Variants in COL5A1 observed in about 807,000 individuals in gnomAD.
COL5A1 encodes the protein collagen type V alpha 1 chain.
A neutral mutation model predicts 263.7 loss-of-function variants in COL5A1; 16 were observed. That is an observed-to-expected ratio of 0.06 (90% CI 0.04 to 0.09). The LOEUF (loss-of-function observed/expected upper bound fraction) is 0.09, where lower values mean the gene tolerates loss of function less well. COL5A1 is among the 10% of genes least tolerant of loss of function. The pLI, the probability that COL5A1 is intolerant of heterozygous loss-of-function variation, is 1.00. For synonymous variants in COL5A1, 1,012 were observed against 1,004.5 expected, an observed-to-expected ratio of 1.01 and a Z score of -0.14; for missense variants, 2,036 against 2,540.5, an observed-to-expected ratio of 0.80 and a Z score of 4.27.
chr9:134,802,140 C>A, intron 38 of COL5A1, 133 bp downstream of exon 38: 1 of 916,634 alleles, frequency 1.1e-6, no homozygotes, highest in Non-Finnish European at 1.8e-6. Context: ...TATCTTAGGT[C>A]CTGAATGTTG....
intron 4 of COL5A1, among the ~76,000 whole-genome samples, chr9:134,720,819 C>T (rs1564410315): frequency 2.0e-5 from 3 of 152,142 alleles, no homozygotes; most frequent in Non-Finnish European, 4.4e-5. Flanking sequence ...GGAGCCGACT[C>T]TGAGTGAATG....
rs370666409 is a variant in COL5A1, at chr9:134,822,718, G to GCCCCCCCCCCCCCC, written c.4609-279_4609-278insCCCCCCCCCCCCCC. On this transcript the variant is annotated intron_variant, in intron 59 of 65. Coordinates refer to ENST00000371817, the MANE Select transcript of COL5A1 (RefSeq NM_000093.5). ...GAGCCAGGACATGCTCTTTTCCGCT[G>GCCCCCCCCCCCCCC]CGCCCCCCCCGCGGCTGTCTGAGCT... 1.4e-5 allele frequency among the ~76,000 whole-genome samples: 2 copies of GCCCCCCCCCCCCCC among 143,088 alleles called. 1 individual carries two copies. Among genetic ancestry groups the GCCCCCCCCCCCCCC allele is most frequent in the African/African-American group, 5.8e-5 (2 of 34,620 alleles). The allele number at this position is 143,088 out of a possible 152,430, so 93.9% of individuals were successfully genotyped here. A position where few individuals can be genotyped will look rare whatever the true frequency, so the allele number is the denominator to read the frequency against.
At chr9:134,801,440 G>C (rs916288952) in intron 37 of COL5A1, among the ~76,000 whole-genome samples, 1 of 152,252 alleles carries the variant, frequency 6.6e-6, no homozygotes, top group African/African-American at 2.4e-5. Flanking sequence ...TCGGCCTAAA[G>C]ATGCAGAGGC....
At chr9:134,826,558 T>C (rs532983698) in intron 63 of COL5A1, among the ~76,000 whole-genome samples, 1 of 116,470 alleles carries the variant, frequency 8.6e-6, no homozygotes, top group African/African-American at 3.5e-5. Context: ...GTGAATGGTG[T>C]GTGTGTGTGT....
chr9:134,722,761 G>C lies in COL5A1; in HGVS notation c.655-4505G>C, dbSNP rs531933452. Reference sequence around the variant, plus strand: ...TTTGATTCACTGTTCCTCCTTGTCTGCTGGAGAATTTGAAACATGGGCCAG... The same window carrying C: ...TTTGATTCACTGTTCCTCCTTGTCTCCTGGAGAATTTGAAACATGGGCCAG... On this transcript the variant is annotated intron_variant, in intron 4 of 65. Coordinates refer to ENST00000371817, the MANE Select transcript of COL5A1 (RefSeq NM_000093.5). Among the ~76,000 whole-genome samples, 4 of 152,342 alleles carry C rather than the reference G, an allele frequency of 2.6e-5. No homozygotes were observed. In the South Asian group the frequency reaches 6.2e-4, roughly 24 times the overall value.
intron 4 of COL5A1, among the ~76,000 whole-genome samples, chr9:134,721,336 C>T (rs1205867434): frequency 6.6e-6 from 1 of 150,892 alleles, no homozygotes; most frequent in Admixed American, 6.6e-5. Context: ...TGTAACCTCC[C>T]CATAGTACCC....
chr9:134,667,795 G>A (rs911447565), intron 1 of COL5A1, among the ~76,000 whole-genome samples: 1 of 152,200 alleles, frequency 6.6e-6, no homozygotes, highest in Non-Finnish European at 1.5e-5. Context: ...AGGACAGGGG[G>A]CTCTGTGGAG....
chr9:134,794,363 T>G lies in COL5A1; in HGVS notation c.2701-719T>G, dbSNP rs991391286. Among the ~76,000 whole-genome samples, 1 of 151,666 alleles carries G rather than the reference T, an allele frequency of 6.6e-6. No homozygotes were observed. The highest frequency in any genetic ancestry group is 1.9e-4 in the East Asian group (1 of 5,174). ...GAAACAAAAAAGAAACCAGTCAAGT[T>G]CAGGAAGCTGAGTTGGGACACGGTG... On this transcript the variant is annotated intron_variant, in intron 32 of 65. Coordinates refer to ENST00000371817, the MANE Select transcript of COL5A1 (RefSeq NM_000093.5). This position sits in a 1 kb window ranked among gnomAD's most constrained non-coding sequence, Gnocchi z 4.3.
At chr9:134,779,262 G>T (rs1837168050) in intron 27 of COL5A1, among the ~76,000 whole-genome samples, 1 of 152,208 alleles carries the variant, frequency 6.6e-6, no homozygotes, top group Non-Finnish European at 1.5e-5. Flanking sequence ...TGAAGTCAAA[G>T]ACATTAACAG....
intron 10 of COL5A1, 82 bp from the exon 11 acceptor site, chr9:134,738,663 TC>T: frequency 1.2e-6 from 1 of 851,698 alleles, no homozygotes; most frequent in Non-Finnish European, 1.9e-6. Flanking sequence ...CACCCCCACC[TC>T]TGCCTTGGTT....
rs1241250905 is a variant in COL5A1 at position 134,642,969 on chromosome 9, T to C, written c.109+673T>C. Reference sequence around the variant, plus strand: ...GGAAGGCAGCTTTTCCTGGATTCGCTGCTGAGAGATGGGATGCGTGGAGCA... The same window carrying C: ...GGAAGGCAGCTTTTCCTGGATTCGCCGCTGAGAGATGGGATGCGTGGAGCA... On this transcript the variant is annotated intron_variant, in intron 1 of 65. Transcript: ENST00000371817. The surrounding 1 kb of genome is among the most constrained non-coding windows in gnomAD (Gnocchi z 4.5). Among the ~76,000 whole-genome samples the C allele has an allele frequency of 6.6e-6, 1 of 152,228 alleles. No individual in the cohort carries two copies. The highest frequency in any genetic ancestry group is 1.5e-5 in the Non-Finnish European group (1 of 68,022).
chr9:134,835,228 G>A lies in COL5A1; in HGVS notation c.5370+24G>A, dbSNP rs770619756. The A allele has an allele frequency of 4.4e-6, 7 of 1,599,536 alleles. No individual in the cohort carries two copies. In the Admixed American group the frequency reaches 8.4e-5, roughly 19 times the overall value. On this transcript the variant is annotated intron_variant, in intron 65 of 65. Transcript: ENST00000371817. Reference sequence around the variant, plus strand: ...CTGTGAGTATCCCGCGCCGCGCCCAGCACCCCTGCTCACGCCTCCGTGGGG... The same window carrying A: ...CTGTGAGTATCCCGCGCCGCGCCCAACACCCCTGCTCACGCCTCCGTGGGG...
At position 134,668,160 on chromosome 9, in the gene COL5A1, A is replaced by G. The variant is rs564129857; in HGVS notation, c.110-22752A>G. Among the ~76,000 whole-genome samples, 5 of 152,356 alleles carry G rather than the reference A, an allele frequency of 3.3e-5. No homozygotes were observed. The South Asian group carries it at 8.3e-4, about 25-fold the overall frequency. The stretch of plus-strand genomic sequence containing the variant: ...GGACAATCAGAAGATCTTGTGATCC[A>G]TGTGGAATTGCTATCCTGTAGGCCA... On this transcript the variant is annotated intron_variant, in intron 1 of 65. Coordinates refer to ENST00000371817, the MANE Select transcript of COL5A1 (RefSeq NM_000093.5).
At chr9:134,703,799 A>G (rs373677453) in intron 4 of COL5A1, among the ~76,000 whole-genome samples, 11 of 151,670 alleles carry the variant, frequency 7.3e-5, no homozygotes, top group Non-Finnish European at 1.2e-4. Flanking sequence ...CACCACACCC[A>G]GCTAATTTTT....
At chr9:134,655,835 A>G (rs1250035201) in intron 1 of COL5A1, among the ~76,000 whole-genome samples, 2 of 152,162 alleles carry the variant, frequency 1.3e-5, no homozygotes, top group African/African-American at 4.8e-5. Flanking sequence ...TGGGCTTGTC[A>G]GAGCCTCTGG....
At chr9:134,733,327 G>A (rs961231775) in intron 9 of COL5A1, among the ~76,000 whole-genome samples, 6 of 152,212 alleles carry the variant, frequency 3.9e-5, no homozygotes, top group African/African-American at 1.4e-4. Flanking sequence ...CAGACGGGAT[G>A]TGTCCCATCT....
At chr9:134,766,537 C>T (rs778326092) in intron 22 of COL5A1, 39 bp downstream of exon 22, 7 of 1,604,498 alleles carry the variant, frequency 4.4e-6, no homozygotes, top group South Asian at 3.3e-5. Context: ...TTCAGGGGCA[C>T]TTTCCCTGGG....
At chr9:134,812,251 T>G (rs1021090747) in intron 46 of COL5A1, among the ~76,000 whole-genome samples, 198 bp from the exon 47 acceptor site, 6 of 152,206 alleles carry the variant, frequency 3.9e-5, no homozygotes, top group Non-Finnish European at 7.3e-5. Context: ...CTTTGCAATC[T>G]TCTCTGCTTA....
chr9:134,788,723 A>G (rs926656370), intron 31 of COL5A1, among the ~76,000 whole-genome samples: 3 of 145,242 alleles, frequency 2.1e-5, no homozygotes, highest in African/African-American at 7.5e-5. Context: ...ATGAATGGGT[A>G]GGTGGGCAGA....
Sources: gnomAD v4.1 joint callset for allele counts (sites outside exome capture counted in the v4.1 genomes callset) on GRCh38, gnomAD v4.1.1 for gene constraint, Gnocchi (gnomAD v3.1) non-coding constraint, MANE v1.5 for transcripts, NCBI Gene and HGNC (gene_info 2026-07-23, HGNC 2026-07-21) for gene names.